USP46: variants seen among roughly 807,000 people sequenced by gnomAD.
USP46 encodes the protein ubiquitin carboxyl-terminal hydrolase 46.
USP46 carries 12 observed loss-of-function variants against 44.4 expected under a neutral mutation model. The observed-to-expected ratio is 0.27, with a 90% CI of 0.17 to 0.44. The LOEUF (loss-of-function observed/expected upper bound fraction) is 0.44. USP46 is among the 20% of genes least tolerant of loss of function. The pLI is 1.00. For missense variants in USP46, 248 were observed against 444.8 expected (o/e 0.56, Z 3.98); for synonymous variants, 155 against 161.5 (o/e 0.96, Z 0.31).
At chr4:52,637,467 T>C (rs1352564272) in intron 1 of USP46, among the ~76,000 whole-genome samples, 1 of 152,192 alleles carries the variant, frequency 6.6e-6, no homozygotes, top group Non-Finnish European at 1.5e-5. Context: ...AGATTTTTCA[T>C]TTATCTGGTG....
intron 1 of USP46, among the ~76,000 whole-genome samples, chr4:52,633,656 C>A (rs774501650): frequency 9.2e-5 from 14 of 152,104 alleles, no homozygotes; most frequent in Non-Finnish European, 1.9e-4. Flanking sequence ...GAGAGAGATA[C>A]CATTAAATCT....
rs1002840756 is a variant in USP46 at position 52,595,900 on chromosome 4, C to T, written c.*1740G>A. The T allele has an allele frequency of 5.9e-5, 9 of 152,436 alleles. No homozygotes were observed. The highest frequency in any genetic ancestry group is 3.3e-4 in the Admixed American group (5 of 15,256). 9.4% of individuals were successfully genotyped at this position (152,436 alleles called of 1,614,324 possible). ...CTCACCTTCCAGGTAGTGATTACTG[C>T]GTAAGTTTCATGGAGGAAAAAAAAA... On this transcript the variant is annotated 3_prime_UTR_variant, in exon 9 of 9. Transcript: ENST00000441222.
In USP46 at chr4:52,659,003, C is replaced by A. The variant is rs1007607104; in HGVS notation, c.36+112G>T. On this transcript the variant is annotated intron_variant, in intron 1 of 8. Transcript: ENST00000441222. This position sits in a 1 kb window ranked among gnomAD's most constrained non-coding sequence, Gnocchi z 4.2. ...CGGGGGCCGGGAACTTCTGGCGGCGCGGACCCCGCCGCCCCCGCCGCCCCA... is the reference window on the plus strand; with the variant it reads ...CGGGGGCCGGGAACTTCTGGCGGCGAGGACCCCGCCGCCCCCGCCGCCCCA... 4.5e-6 allele frequency: 6 copies of A among 1,328,692 alleles called. No individual in the cohort carries two copies. The highest frequency in any genetic ancestry group is 6.0e-6 in the Non-Finnish European group (6 of 1,006,082). 82.3% of individuals were successfully genotyped at this position (1,328,692 alleles called of 1,614,324 possible). A position where few individuals can be genotyped will look rare whatever the true frequency, so the allele number is the denominator to read the frequency against.
At chr4:52,598,505 TTTAAG>T (rs1716332388) in intron 8 of USP46, 118 bp downstream of exon 8, 1 of 1,100,144 alleles carries the variant, frequency 9.1e-7, no homozygotes, top group African/African-American at 1.6e-5. Flanking sequence ...TGAATACAAA[TTTAAG>T]TTGTTTTCAA....
chr4:52,650,087 T>C (rs1422434574), intron 1 of USP46, among the ~76,000 whole-genome samples: 1 of 152,222 alleles, frequency 6.6e-6, no homozygotes, highest in African/African-American at 2.4e-5. Flanking sequence ...AAAAGCAGCA[T>C]ATTGACTTCC....
At chr4:52,656,340 A>C (rs1339557156) in intron 1 of USP46, 11 of 1,432,720 alleles carry the variant, frequency 7.7e-6, no homozygotes, top group Non-Finnish European at 1.0e-5. Context: ...AGAGAGGTCC[A>C]GTTAATATTT....
At chr4:52,633,814 T>TC (rs1718005158) in intron 1 of USP46, among the ~76,000 whole-genome samples, 1 of 152,124 alleles carries the variant, frequency 6.6e-6, no homozygotes. Flanking sequence ...GGGTCAGTGT[T>TC]CAAGAGAAAT....
chr4:52,656,371 A>G, intron 1 of USP46: 1 of 1,508,558 alleles, frequency 6.6e-7, no homozygotes, highest in Non-Finnish European at 8.9e-7. Flanking sequence ...CAGTGAAAAG[A>G]CAGCAGTTTC....
intron 1 of USP46, among the ~76,000 whole-genome samples, chr4:52,633,476 T>A (rs1717993067): frequency 6.6e-6 from 1 of 152,200 alleles, no homozygotes; most frequent in Non-Finnish European, 1.5e-5. Flanking sequence ...ATGGTAGGAC[T>A]TTTTGGTATA....
chr4:52,621,352 A>T (rs998273214), intron 4 of USP46, among the ~76,000 whole-genome samples: 8 of 152,172 alleles, frequency 5.3e-5, no homozygotes, highest in African/African-American at 1.9e-4. Flanking sequence ...AGTGGGGTCA[A>T]CATTAGAAAC....
At chr4:52,644,623 G>A (rs781722349) in intron 1 of USP46, among the ~76,000 whole-genome samples, 4 of 151,306 alleles carry the variant, frequency 2.6e-5, no homozygotes, top group African/African-American at 7.3e-5. Context: ...GAGGTGGAAC[G>A]TTCATCCCAA....
intron 6 of USP46, among the ~76,000 whole-genome samples, chr4:52,603,143 G>A (rs540761892): frequency 6.6e-6 from 1 of 152,156 alleles, no homozygotes; most frequent in Non-Finnish European, 1.5e-5. Context: ...AGAAGTATGG[G>A]GAACCCCATG....
At chr4:52,632,673 T>A (rs942640279) in intron 1 of USP46, among the ~76,000 whole-genome samples, 1 of 150,822 alleles carries the variant, frequency 6.6e-6, no homozygotes, top group Non-Finnish European at 1.5e-5. Context: ...AATATAAAAC[T>A]TAGCAGGTAG....
At chr4:52,616,276 A>G (rs1427715545) in intron 4 of USP46, among the ~76,000 whole-genome samples, 2 of 152,226 alleles carry the variant, frequency 1.3e-5, no homozygotes, top group African/African-American at 4.8e-5. Flanking sequence ...CCAACAACAA[A>G]GAATTATCTG....
chr4:52,599,846 C>G (rs1203037007), intron 7 of USP46, among the ~76,000 whole-genome samples: 3 of 152,144 alleles, frequency 2.0e-5, no homozygotes, highest in Non-Finnish European at 4.4e-5. Context: ...TCCCTCTGAG[C>G]TCCAGCCCAT....
At chr4:52,654,673 A>G (rs968897937) in intron 1 of USP46, among the ~76,000 whole-genome samples, 2 of 152,144 alleles carry the variant, frequency 1.3e-5, no homozygotes, top group African/African-American at 4.8e-5. Flanking sequence ...TGGTATTACC[A>G]GTGAGCCACC....
intron 1 of USP46, among the ~76,000 whole-genome samples, chr4:52,644,439 C>A (rs746174378): frequency 1.8e-4 from 28 of 152,258 alleles, no homozygotes; most frequent in Non-Finnish European, 2.9e-4. Flanking sequence ...AGTTCTGTGA[C>A]CTGTTAGGAA....
intron 1 of USP46, among the ~76,000 whole-genome samples, chr4:52,633,272 G>C (rs1350428697): frequency 1.3e-5 from 2 of 152,138 alleles, no homozygotes; most frequent in Non-Finnish European, 2.9e-5. Context: ...TTGTTTCCTA[G>C]GTCCTTAATA....
At position 52,631,089 on chromosome 4, in the gene USP46, T is replaced by C. The variant is rs1232466496; in HGVS notation, c.92A>G (p.Asn31Ser). The C allele has an allele frequency of 7.0e-6, 11 of 1,567,768 alleles. No homozygotes were observed. Among genetic ancestry groups the C allele is most frequent in the Non-Finnish European group, 9.5e-6 (11 of 1,154,334 alleles). The change falls in exon 2 of 9, where the codon AAT becomes AGT. Residue 31 changes from asparagine to serine, a missense_variant. Transcript: ENST00000441222. ...KDIGPEQFPI[N>S]EHYFGLVNFG... ...ATTGACCAATCCGAAATAGTGTTCA[T>C]TGATTGGAAACTGCTCTGGACCAAT...
Sources: allele counts gnomAD v4.1 joint callset (sites outside exome capture counted in the v4.1 genomes callset), GRCh38; gene constraint gnomAD v4.1.1; non-coding constraint Gnocchi (gnomAD v3.1); transcripts MANE v1.5; gene names NCBI Gene and HGNC (gene_info 2026-07-23, HGNC 2026-07-21).